LTBP1: variants seen among roughly 807,000 people sequenced by gnomAD.
LTBP1 encodes latent-transforming growth factor beta-binding protein 1.
In LTBP1, 129 loss-of-function variants were observed where a neutral mutation model predicts 207.6. The observed-to-expected ratio is 0.62, with a 90% confidence interval of 0.54 to 0.72. LTBP1 has a LOEUF of 0.72. Ranked by LOEUF, LTBP1 falls within the 30% of genes least tolerant of loss-of-function variation. LTBP1 has a pLI of 0.00. For missense variants in LTBP1, 2,281 were observed against 2,217.2 expected, an observed-to-expected ratio of 1.03 and a Z score of -0.58; for synonymous variants, 963 against 833.7, an observed-to-expected ratio of 1.16 and a Z score of -2.67.
intron 7 of LTBP1, among the ~76,000 whole-genome samples, chr2:33,217,009 G>A (rs377088057): frequency 8.7e-4 from 132 of 152,248 alleles, no homozygotes; most frequent in African/African-American, 3.0e-3. Flanking sequence ...TGGAGCCTTC[G>A]TCTCTGCTAG....
intron 5 of LTBP1, among the ~76,000 whole-genome samples, chr2:33,151,800 T>C (rs2083548365): frequency 6.6e-6 from 1 of 151,840 alleles, no homozygotes; most frequent in African/African-American, 2.4e-5. Flanking sequence ...TCCATCCTTT[T>C]TATGGCTGAG....
intron 3 of LTBP1, among the ~76,000 whole-genome samples, chr2:33,021,877 G>A (rs922895097): frequency 6.6e-6 from 1 of 152,120 alleles, no homozygotes; most frequent in Non-Finnish European, 1.5e-5. Flanking sequence ...TCTCTGAGTT[G>A]CATTACAAGC....
At chr2:33,189,612 T>G (rs1001102324) in intron 7 of LTBP1, among the ~76,000 whole-genome samples, 10 of 152,224 alleles carry the variant, frequency 6.6e-5, no homozygotes, top group Non-Finnish European at 1.5e-4. Flanking sequence ...TCCGCAAAGA[T>G]GCTTGTAAAT....
chr2:33,320,242 A>G (rs10191688), intron 24 of LTBP1, among the ~76,000 whole-genome samples: 98,609 of 151,730 alleles, frequency 0.65, 33,972 homozygotes, highest in Non-Finnish European at 0.76. Context: ...GGCCGTGCAC[A>G]CCTGTAATTC....
chr2:33,253,746 G>A (rs1333660112), intron 11 of LTBP1, among the ~76,000 whole-genome samples: 2 of 152,022 alleles, frequency 1.3e-5, no homozygotes, highest in African/African-American at 4.8e-5. Context: ...CTTTGTTCAT[G>A]GTTAGAACCA....
At chr2:33,010,572 C>T (rs72791753) in intron 2 of LTBP1, among the ~76,000 whole-genome samples, 14,885 of 152,074 alleles carry the variant, frequency 0.098, 974 homozygotes, top group Non-Finnish European at 0.14. Context: ...GATGGATGCC[C>T]TAAATATGCT....
chr2:33,047,544 C>T (rs547156061), intron 3 of LTBP1, among the ~76,000 whole-genome samples: 3 of 152,230 alleles, frequency 2.0e-5, no homozygotes, highest in Non-Finnish European at 4.4e-5. Flanking sequence ...GTTATGTGGT[C>T]AGTTTTAGAA....
rs766563900 is a variant in LTBP1, at chr2:33,300,421, T to C, written c.3236-30T>C. 4.4e-6 allele frequency: 7 copies of C among 1,608,302 alleles called. No individual in the cohort carries two copies. The East Asian group carries it at 1.6e-4, about 36-fold the overall frequency. ...TGCATTCTCCTGGGTAGTCTCTTTT[T>C]CAGAAAAATTGCCGTTGTTGTGTTT... On this transcript the variant is annotated intron_variant, in intron 20 of 33. Transcript: ENST00000404816.
At chr2:33,007,228 G>A (rs1432269225) in intron 2 of LTBP1, among the ~76,000 whole-genome samples, 3 of 152,198 alleles carry the variant, frequency 2.0e-5, no homozygotes, top group South Asian at 4.2e-4. Flanking sequence ...TGATCCGCCC[G>A]CCTCGGCTTC....
intron 2 of LTBP1, among the ~76,000 whole-genome samples, chr2:32,993,236 G>A (rs1455625898): frequency 6.6e-6 from 1 of 152,078 alleles, no homozygotes; most frequent in Non-Finnish European, 1.5e-5. Flanking sequence ...GCGTGGGTAT[G>A]TGGAAAGCAG....
intron 7 of LTBP1, among the ~76,000 whole-genome samples, chr2:33,216,884 G>A (rs959527051): frequency 6.6e-6 from 1 of 152,198 alleles, no homozygotes; most frequent in Admixed American, 6.5e-5. Context: ...GACAACCAGT[G>A]TTGCACCAGT....
At position 33,281,394 on chromosome 2, in the gene LTBP1, C is replaced by T. The variant is rs573275399; in HGVS notation, c.3112+1236C>T. On this transcript the variant is annotated intron_variant, in intron 19 of 33. Transcript: ENST00000404816. The stretch of plus-strand genomic sequence containing the variant: ...CAGTAAACAGCATATGCAAGAGGCT[C>T]GTGGAAGAAGAAGAGAGCAGAAGGC... Among the ~76,000 whole-genome samples, 347 of 152,136 alleles carry T rather than the reference C, an allele frequency of 2.3e-3. 2 individuals carry two copies. The highest frequency in any genetic ancestry group is 7.6e-3 in the African/African-American group (317 of 41,496).
intron 3 of LTBP1, among the ~76,000 whole-genome samples, chr2:33,081,616 G>A (rs1471557003): frequency 2.0e-5 from 3 of 152,262 alleles, no homozygotes; most frequent in Middle Eastern, 3.4e-3. Context: ...AGTAGTAAGA[G>A]AGAAGGCTGA....
chr2:33,002,735 T>A (rs1429239357), intron 2 of LTBP1, among the ~76,000 whole-genome samples: 1 of 152,068 alleles, frequency 6.6e-6, no homozygotes, highest in African/African-American at 2.4e-5. Flanking sequence ...TGGAGTGCAG[T>A]GGTGTGATCT....
In LTBP1 at chr2:33,257,307, G is replaced by A; in HGVS notation, c.2191G>A (p.Gly731Ser). ...AGCTGCTTTTAAGGAAATCTGTCCT[G>A]GTGGAATGGGTTATACGGTTTCTGG... ...GTAAFKEICP[G>S]GMGYTVSGVH... Residue 731 changes from glycine (G) to serine (S), a missense_variant, in exon 12 of 34, where the codon GGT (glycine) becomes AGT (serine). Physicochemically the swap from Gly to Ser is moderately conservative, Grantham distance 56. Around this residue, in one of 3 missense-constraint regions of LTBP1, gnomAD observed 1,671 missense variants for 1,634.8 expected, o/e 1.02. Coordinates refer to ENST00000404816, the MANE Select transcript of LTBP1 (RefSeq NM_206943.4). 6.2e-7 allele frequency: 1 copy of A among 1,613,992 alleles called. No homozygotes were observed. The highest frequency in any genetic ancestry group is 8.5e-7 in the Non-Finnish European group (1 of 1,179,848).
Position 33,021,188 on chromosome 2 carries a change from C to G in LTBP1, c.845C>G (p.Pro282Arg). Residue 282 changes from proline to arginine, a missense_variant, in exon 3 of 34, where the codon CCC becomes CGC. Pro to Arg is a moderately radical substitution (Grantham distance 103). This residue lies in a region of LTBP1 where 555 missense variants were observed against 491.0 expected (regional missense o/e 1.13). Coordinates refer to ENST00000404816, the MANE Select transcript of LTBP1 (RefSeq NM_206943.4). ...TLKPKPSVGL[P>R]QQIHSQVTPL... ...AAGCCGAAGCCTTCAGTGGGACTCC[C>G]CCAGCAGATACATTCTCAGTGAGTG... 1.3e-6 allele frequency: 2 copies of G among 1,598,400 alleles called. No homozygotes were observed. The highest frequency in any genetic ancestry group is 1.1e-5 in the South Asian group (1 of 88,646).
rs143876482 is a variant in LTBP1, at chr2:33,243,402, A to G, written c.1877-260A>G. 5.8e-3 allele frequency among the ~76,000 whole-genome samples: 882 copies of G among 152,328 alleles called. 4 individuals are homozygous for G. The highest frequency in any genetic ancestry group is 0.011 in the Non-Finnish European group (716 of 68,036). On this transcript the variant is annotated intron_variant, in intron 9 of 33. Coordinates refer to ENST00000404816, the MANE Select transcript of LTBP1 (RefSeq NM_206943.4). The stretch of plus-strand genomic sequence containing the variant: ...TAACACTAAAGCAAAAGCTCTGTGA[A>G]GGCCAGAATTTTTATCAGTTTTTTT...
At chr2:33,012,059 A>G (rs1005725310) in intron 2 of LTBP1, among the ~76,000 whole-genome samples, 4 of 152,108 alleles carry the variant, frequency 2.6e-5, no homozygotes, top group Admixed American at 6.5e-5. Flanking sequence ...GGTAATAGTT[A>G]TAATTACTTT....
At chr2:33,383,136 A>G (rs1274523252) in intron 31 of LTBP1, among the ~76,000 whole-genome samples, 1 of 152,194 alleles carries the variant, frequency 6.6e-6, no homozygotes, top group East Asian at 1.9e-4. Context: ...CAGGCAGATC[A>G]CGAGGTCAGG....
Sources: allele counts gnomAD v4.1 joint callset (sites outside exome capture counted in the v4.1 genomes callset), GRCh38; gene constraint gnomAD v4.1.1; regional missense constraint gnomAD v4.1.1; transcripts MANE v1.5; gene names NCBI Gene and HGNC (gene_info 2026-07-23, HGNC 2026-07-21).